DCAF8: variants seen among roughly 807,000 people sequenced by gnomAD.
The protein encoded by DCAF8 is DDB1- and CUL4-associated factor 8.
DCAF8 carries 20 observed loss-of-function variants against 68.0 expected under a neutral mutation model. That is an observed-to-expected ratio of 0.29 (90% CI 0.21 to 0.43). The LOEUF (loss-of-function observed/expected upper bound fraction) is 0.43, where lower values mean the gene tolerates loss of function less well. DCAF8 is among the 20% of genes least tolerant of loss of function. The pLI, the probability that DCAF8 is intolerant of heterozygous loss-of-function variation, is 1.00. For missense variants in DCAF8, 460 were observed against 771.0 expected (o/e 0.60, Z 4.78); for synonymous variants, 230 against 276.9 (o/e 0.83, Z 1.68).
At chr1:160,243,856 T>C (rs1239068324) in intron 3 of DCAF8, 104 bp downstream of exon 3, 2 of 1,128,508 alleles carry the variant, frequency 1.8e-6, no homozygotes, top group East Asian at 2.4e-5. Context: ...CACAGGAAAG[T>C]TTCCCTCTCT....
chr1:160,242,599 T>G (rs56279945), intron 3 of DCAF8, among the ~76,000 whole-genome samples: 2,416 of 152,146 alleles, frequency 0.016, 63 homozygotes, highest in African/African-American at 0.049. Flanking sequence ...CATCAAGAAG[T>G]CCCCAACAGT....
At chr1:160,254,564 C>A (rs956904199) in intron 2 of DCAF8, among the ~76,000 whole-genome samples, 2 of 151,874 alleles carry the variant, frequency 1.3e-5, no homozygotes, top group Non-Finnish European at 2.9e-5. Context: ...GAGGCCGGGC[C>A]GGGTGGATCA....
intron 10 of DCAF8, among the ~76,000 whole-genome samples, chr1:160,223,665 A>G (rs1655371291): frequency 6.6e-6 from 1 of 152,196 alleles, no homozygotes; most frequent in South Asian, 2.1e-4. Context: ...TGGGAAGTCG[A>G]GGCAGGCGGA....
intron 2 of DCAF8, among the ~76,000 whole-genome samples, chr1:160,248,804 G>T (rs1656461850): frequency 6.6e-6 from 1 of 151,944 alleles, no homozygotes. Context: ...TGAGGTGGGA[G>T]GATCACTTAA....
At chr1:160,243,745 T>A (rs1656212017) in intron 3 of DCAF8, among the ~76,000 whole-genome samples, 1 of 152,184 alleles carries the variant, frequency 6.6e-6, no homozygotes, top group Admixed American at 6.5e-5. Context: ...GAAGTACAGC[T>A]CTGTTATTGA....
At chr1:160,244,063 C>G (rs1033535481) in intron 2 of DCAF8, 29 bp from the exon 3 acceptor site, 2 of 1,561,068 alleles carry the variant, frequency 1.3e-6, no homozygotes, top group African/African-American at 2.7e-5. Context: ...GAAACCAAAA[C>G]AATTAGGAAA....
chr1:160,231,233 C>T (rs1299519789), intron 7 of DCAF8, 64 bp downstream of exon 7: 5 of 1,105,836 alleles, frequency 4.5e-6, no homozygotes, highest in Non-Finnish European at 5.5e-6. Flanking sequence ...TAAAGGAGCA[C>T]CTGGTAGTAT....
chr1:160,239,907 A>G lies in DCAF8; in HGVS notation c.513T>C (p.Tyr171=). Residue 171 remains tyrosine, a synonymous_variant, in exon 4 of 14, where the codon TAT becomes TAC. Coordinates refer to ENST00000368074, the MANE Select transcript of DCAF8 (RefSeq NM_015726.4). ...CAAAGACTCTTGCCCCACAGGCCTC[A>G]TAGACAAAGCGGGCACTTGAACCCA... The part of the protein sequence containing the change: ...RELGSSARFV[Y]EACGARVFVQ... 1 of 1,614,266 alleles carries G rather than the reference A, an allele frequency of 6.2e-7. No individual in the cohort carries two copies. The highest frequency in any genetic ancestry group is 1.6e-4 in the Middle Eastern group (1 of 6,062).
In DCAF8 at chr1:160,218,327, G is replaced by C; in HGVS notation, c.1674C>G (p.His558Gln). The change falls in exon 13 of 14, where the codon CAC becomes CAG. Residue 558 changes from histidine to glutamine, a missense_variant. Around this residue, in one of 8 missense-constraint regions of DCAF8, gnomAD observed 80 missense variants for 115.1 expected, o/e 0.70. Coordinates refer to ENST00000368074, the MANE Select transcript of DCAF8 (RefSeq NM_015726.4). The stretch of plus-strand genomic sequence containing the variant: ...TTCATTTCCAACCCTAGCTTACCCG[G>C]TGATGGCGTCTCTGTCTCAGGTGAT... ...LMHHLRQRRH[H>Q]RRWREPGVGA... is the part of the protein sequence containing the mutation. 6.2e-7 allele frequency: 1 copy of C among 1,613,006 alleles called. No individual in the cohort carries two copies. The highest frequency in any genetic ancestry group is 8.5e-7 in the Non-Finnish European group (1 of 1,178,978).
chr1:160,258,783 A>C (rs2101776343), intron 2 of DCAF8, among the ~76,000 whole-genome samples: 1 of 152,268 alleles, frequency 6.6e-6, no homozygotes, highest in East Asian at 1.9e-4. Flanking sequence ...AAAGATAAAA[A>C]GTTTACAGTG....
intron 11 of DCAF8, among the ~76,000 whole-genome samples, chr1:160,222,085 A>C (rs559946850): frequency 6.6e-6 from 1 of 152,378 alleles, no homozygotes; most frequent in East Asian, 1.9e-4. Context: ...TGTACGCATG[A>C]CATTTCACCC....
At chr1:160,221,448 G>C (rs1251728546) in intron 11 of DCAF8, among the ~76,000 whole-genome samples, 1 of 152,142 alleles carries the variant, frequency 6.6e-6, no homozygotes, top group Non-Finnish European at 1.5e-5. Flanking sequence ...AAAAACCCTA[G>C]ATCTATGCAG....
intron 11 of DCAF8, chr1:160,220,205 T>C (rs1158290592): frequency 6.6e-6 from 1 of 152,274 alleles, no homozygotes; most frequent in Non-Finnish European, 1.5e-5. Flanking sequence ...AAGTTTATCT[T>C]TGGGCTCTTT....
intron 2 of DCAF8, among the ~76,000 whole-genome samples, chr1:160,258,459 A>G (rs1656926625): frequency 6.6e-6 from 1 of 152,082 alleles, no homozygotes. Context: ...AGATGTCACA[A>G]TTCTTAAGTA....
intron 3 of DCAF8, among the ~76,000 whole-genome samples, chr1:160,242,089 C>CA (rs1656137248): frequency 6.6e-6 from 1 of 151,944 alleles, no homozygotes; most frequent in Non-Finnish European, 1.5e-5. Flanking sequence ...ACTAGAAATA[C>CA]AAAAAATTAG....
Position 160,240,079 on chromosome 1 carries a change from G to A in DCAF8, c.341C>T (p.Pro114Leu). The change falls in exon 4 of 14, where the codon CCT becomes CTT. Residue 114 changes from proline to leucine, a missense_variant. This residue lies in a region of DCAF8 where 156 missense variants were observed against 181.4 expected (regional missense o/e 0.86). Coordinates refer to ENST00000368074, the MANE Select transcript of DCAF8 (RefSeq NM_015726.4). ...CCGCTTGCGCTGTACACGGCGCCGAGGCTGCTCTTCTTCCTCCTCTTCTTC... is the reference window on the plus strand; with the variant it reads ...CCGCTTGCGCTGTACACGGCGCCGAAGCTGCTCTTCTTCCTCCTCTTCTTC... ...EEEEEEEEEQPRRRVQRKRAN... is the reference protein window; with the variant it reads ...EEEEEEEEEQLRRRVQRKRAN... 6.2e-7 allele frequency: 1 copy of A among 1,614,172 alleles called. No homozygotes were observed. The highest frequency in any genetic ancestry group is 8.5e-7 in the Non-Finnish European group (1 of 1,180,018).
intron 7 of DCAF8, among the ~76,000 whole-genome samples, chr1:160,226,172 A>C (rs906704019): frequency 1.3e-5 from 2 of 152,100 alleles, no homozygotes; most frequent in East Asian, 3.9e-4. Flanking sequence ...GCTACTTTTC[A>C]CTGAAACAAC....
intron 6 of DCAF8, 152 bp from the exon 7 acceptor site, chr1:160,231,559 G>A (rs1655686676): frequency 4.8e-6 from 3 of 628,964 alleles, no homozygotes; most frequent in Non-Finnish European, 8.3e-6. Flanking sequence ...TGTTTGTTTT[G>A]TACGTAACAA....
chr1:160,259,434 G>A (rs1411255145), intron 2 of DCAF8, among the ~76,000 whole-genome samples: 4 of 152,162 alleles, frequency 2.6e-5, no homozygotes, highest in Non-Finnish European at 4.4e-5. Context: ...TCGGGAGGTT[G>A]AGGCAGGAGA....
Sources: allele counts gnomAD v4.1 joint callset (sites outside exome capture counted in the v4.1 genomes callset), GRCh38; gene constraint gnomAD v4.1.1; regional missense constraint gnomAD v4.1.1; transcripts MANE v1.5; gene names NCBI Gene and HGNC (gene_info 2026-07-23, HGNC 2026-07-21).